Variants in KLHDC10 observed in about 807,000 individuals in gnomAD.
KLHDC10 encodes kelch domain-containing protein 10.
Under a neutral mutation model 56.1 loss-of-function variants are expected in KLHDC10, and 24 were observed. That is an observed-to-expected ratio of 0.43 (90% CI 0.31 to 0.60). The LOEUF (loss-of-function observed/expected upper bound fraction) is 0.60. Ranked by LOEUF, KLHDC10 falls within the 20% of genes least tolerant of loss-of-function variation. The pLI is 0.11. For missense variants in KLHDC10, 349 were observed against 567.0 expected (o/e 0.62, Z 3.91); for synonymous variants, 188 against 207.1 (o/e 0.91, Z 0.79).
At chr7:130,110,988 A>G (rs936319774) in intron 2 of KLHDC10, among the ~76,000 whole-genome samples, 1 of 152,172 alleles carries the variant, frequency 6.6e-6, no homozygotes, top group Non-Finnish European at 1.5e-5. Flanking sequence ...TTAAAGAGCA[A>G]TAAATTTTGT....
chr7:130,087,316 T>C (rs761962962), intron 1 of KLHDC10, among the ~76,000 whole-genome samples: 2 of 152,236 alleles, frequency 1.3e-5, no homozygotes, highest in Non-Finnish European at 2.9e-5. Flanking sequence ...ATTTTCCTAA[T>C]GCACAGCTAT....
At chr7:130,122,778 C>A (rs1348841124) in intron 5 of KLHDC10, among the ~76,000 whole-genome samples, 1 of 152,214 alleles carries the variant, frequency 6.6e-6, no homozygotes, top group Non-Finnish European at 1.5e-5. Flanking sequence ...AACTCCTAGG[C>A]TCAAGTGATC....
At chr7:130,106,106 G>A (rs750085175) in intron 2 of KLHDC10, among the ~76,000 whole-genome samples, 5 of 152,032 alleles carry the variant, frequency 3.3e-5, no homozygotes, top group South Asian at 4.1e-4. Context: ...AGATCACGCC[G>A]TTGCACTCCA....
rs141726224 is a variant in KLHDC10 at position 130,112,983 on chromosome 7, A to G, written c.254-3462A>G. 8.9e-4 allele frequency among the ~76,000 whole-genome samples: 135 copies of G among 152,372 alleles called. 3 individuals are homozygous for G. The East Asian group carries it at 0.02, about 23-fold the overall frequency. ...TTTTTCCAGTACCCACATTTAAAAA[A>G]GTAAAACAGACAGGTAACATTAATT... On this transcript the variant is annotated intron_variant, in intron 2 of 9. Transcript: ENST00000335420.
At chr7:130,092,721 A>G (rs1420158828) in intron 1 of KLHDC10, among the ~76,000 whole-genome samples, 1 of 152,152 alleles carries the variant, frequency 6.6e-6, no homozygotes, top group Non-Finnish European at 1.5e-5. Context: ...GCTTGACTCA[A>G]AGAGGTAGAT....
Position 130,120,692 on chromosome 7 carries a change from T to G in KLHDC10, c.476-57T>G, listed in dbSNP as rs1796236037. On this transcript the variant is annotated intron_variant, in intron 3 of 9. Transcript: ENST00000335420. This position sits in a 1 kb window ranked among gnomAD's most constrained non-coding sequence, Gnocchi z 5.1. The stretch of plus-strand genomic sequence containing the variant: ...GCTTCTCAGATATTCTGGGTTTATG[T>G]GGGAACAAATTGCAGGTAGCCATTT... 1 of 1,592,696 alleles carries G rather than the reference T, an allele frequency of 6.3e-7. No homozygotes were observed. Among genetic ancestry groups the G allele is most frequent in the African/African-American group, 1.3e-5 (1 of 74,632 alleles).
chr7:130,128,889 A>AAAATATATATATAT lies in KLHDC10; in HGVS notation c.980-547_980-546insAATATATATATATA. Reference sequence around the variant, plus strand: ...ACCTTGTCTCTTAAAAAAAAAAAAAAATATATATATATATATATATATATA... The same window carrying AAAATATATATATAT: ...ACCTTGTCTCTTAAAAAAAAAAAAAAAAATATATATATATATATATATATATATATATATATATA... On this transcript the variant is annotated intron_variant, in intron 8 of 9. Coordinates refer to ENST00000335420, the MANE Select transcript of KLHDC10 (RefSeq NM_014997.4). 2.8e-4 allele frequency among the ~76,000 whole-genome samples: 19 copies of AAAATATATATATAT among 66,946 alleles called. 1 individual carries two copies. The highest frequency in any genetic ancestry group is 6.6e-4 in the African/African-American group (9 of 13,632). 43.9% of individuals were successfully genotyped at this position (66,946 alleles called of 152,430 possible).
rs60800057 is a variant in KLHDC10 at position 130,117,849 on chromosome 7, CAAAAAAAAAAA to C, written c.475+1198_475+1208del. ...TGGGTGACAGAGTAAGACCCTGTCT[CAAAAAAAAAAA>C]AAAAAAAAAAAAAAGAAAAAGAGGC... On this transcript the variant is annotated intron_variant, in intron 3 of 9. Coordinates refer to ENST00000335420, the MANE Select transcript of KLHDC10 (RefSeq NM_014997.4). 2.3e-4 allele frequency among the ~76,000 whole-genome samples: 17 copies of C among 73,196 alleles called. No homozygotes were observed. In the East Asian group the frequency reaches 6.9e-3, roughly 30 times the overall value. 48.0% of individuals were successfully genotyped at this position (73,196 alleles called of 152,430 possible).
intron 3 of KLHDC10, among the ~76,000 whole-genome samples, chr7:130,119,180 G>A (rs186421666): frequency 1.3e-5 from 2 of 149,622 alleles, no homozygotes; most frequent in Admixed American, 6.7e-5. Flanking sequence ...CTGCACTCCA[G>A]CTAGGCAAGA....
At chr7:130,089,744 G>A (rs1213613566) in intron 1 of KLHDC10, among the ~76,000 whole-genome samples, 3 of 152,162 alleles carry the variant, frequency 2.0e-5, no homozygotes, top group Admixed American at 6.5e-5. Context: ...ACTGTGCAGC[G>A]ATTCCAAATA....
intron 2 of KLHDC10, 105 bp downstream of exon 2, chr7:130,097,112 C>A: frequency 1.4e-6 from 1 of 690,260 alleles, no homozygotes; most frequent in Non-Finnish European, 2.4e-6. Context: ...ATCTAAACAG[C>A]TAATGAAACA....
In KLHDC10 at chr7:130,105,599, A is replaced by C. The variant is rs533303475; in HGVS notation, c.253+8592A>C. 3.3e-5 allele frequency among the ~76,000 whole-genome samples: 5 copies of C among 152,312 alleles called. No individual in the cohort carries two copies. The East Asian group carries it at 9.6e-4, about 29-fold the overall frequency. On this transcript the variant is annotated intron_variant, in intron 2 of 9. Transcript: ENST00000335420. ...CAGTATTGTTTAGAGATGCATACCT[A>C]GGTATAATAAAGCTATAAAAAGACA...
intron 8 of KLHDC10, among the ~76,000 whole-genome samples, chr7:130,128,859 G>T: frequency 1.1e-5 from 1 of 90,422 alleles, no homozygotes; most frequent in African/African-American, 4.7e-5. Flanking sequence ...GGGTAATATA[G>T]TGAGACCTTG....
At chr7:130,084,062 T>C (rs1209316816) in intron 1 of KLHDC10, among the ~76,000 whole-genome samples, 1 of 152,216 alleles carries the variant, frequency 6.6e-6, no homozygotes. Flanking sequence ...CAATAAGTTA[T>C]GCCACTTTGT....
At chr7:130,127,503 A>G in intron 8 of KLHDC10, 52 bp downstream of exon 8, 1 of 1,283,082 alleles carries the variant, frequency 7.8e-7, no homozygotes, top group Non-Finnish European at 1.1e-6. Flanking sequence ...GTATCTTCTG[A>G]AAATGTCTTA....
chr7:130,120,915 T>C lies in KLHDC10; in HGVS notation c.630+12T>C. The C allele has an allele frequency of 6.2e-7, 1 of 1,612,732 alleles. No homozygotes were observed. The highest frequency in any genetic ancestry group is 1.1e-5 in the South Asian group (1 of 90,860). On this transcript the variant is annotated intron_variant, in intron 4 of 9. Transcript: ENST00000335420. This position sits in a 1 kb window ranked among gnomAD's most constrained non-coding sequence, Gnocchi z 5.1. ...GTATATATGGACAGGTACCAATCTG[T>C]GGCCAGTCATGGTGTATTTGTTCAT... is the stretch of plus-strand genomic sequence containing the variant.
intron 2 of KLHDC10, among the ~76,000 whole-genome samples, chr7:130,108,953 C>T (rs1450936512): frequency 2.0e-5 from 3 of 152,076 alleles, no homozygotes; most frequent in Non-Finnish European, 4.4e-5. Flanking sequence ...GTCACCCTGT[C>T]GCCCAGGCTG....
intron 5 of KLHDC10, 90 bp from the exon 6 acceptor site, chr7:130,124,361 A>G: frequency 1.4e-6 from 1 of 726,426 alleles, no homozygotes; most frequent in Non-Finnish European, 2.4e-6. Flanking sequence ...TTATTGTTAT[A>G]AATAATGATG....
intron 1 of KLHDC10, among the ~76,000 whole-genome samples, chr7:130,077,376 A>AAAC (rs1447370684): frequency 6.7e-6 from 1 of 149,026 alleles, no homozygotes; most frequent in African/African-American, 2.5e-5. Flanking sequence ...AAAAAAAAAA[A>AAAC]AAAAAACAGT....
Sources: gnomAD v4.1 joint callset for allele counts (sites outside exome capture counted in the v4.1 genomes callset) on GRCh38, gnomAD v4.1.1 for gene constraint, Gnocchi (gnomAD v3.1) non-coding constraint, MANE v1.5 for transcripts, NCBI Gene and HGNC (gene_info 2026-07-23, HGNC 2026-07-21) for gene names.